Variants in SCEL observed in about 807,000 individuals in gnomAD.
The protein encoded by SCEL is sciellin.
In SCEL, 113 loss-of-function variants were observed where a neutral mutation model predicts 117.6. That is an observed-to-expected ratio of 0.96 (90% CI 0.83 to 1.12). SCEL has a LOEUF of 1.12. Among genes scored for constraint, SCEL ranks in the 50% most tolerant of loss-of-function variants. The pLI is 0.00. For missense variants in SCEL, 785 were observed against 810.8 expected (o/e 0.97, Z 0.39); for synonymous variants, 270 against 256.2 (o/e 1.05, Z -0.51).
At chr13:77,544,480 T>C (rs908254568) in intron 1 of SCEL, among the ~76,000 whole-genome samples, 2 of 152,160 alleles carry the variant, frequency 1.3e-5, no homozygotes, top group African/African-American at 4.8e-5. Flanking sequence ...ATGATGAAGA[T>C]TCTAGCTGAG....
chr13:77,584,392 C>G (rs1357560064), intron 9 of SCEL, among the ~76,000 whole-genome samples: 1 of 152,144 alleles, frequency 6.6e-6, no homozygotes, highest in Non-Finnish European at 1.5e-5. Context: ...TGGCTCCTGG[C>G]CCAGCAGGGG....
At chr13:77,540,886 G>C (rs1199634803) in intron 1 of SCEL, among the ~76,000 whole-genome samples, 1 of 152,208 alleles carries the variant, frequency 6.6e-6, no homozygotes, top group Non-Finnish European at 1.5e-5. Flanking sequence ...TGGAGATTGA[G>C]AATGTAGCTG....
rs1298858059 is a variant in SCEL at position 77,599,617 on chromosome 13, T to C, written c.858-72T>C. 7.0e-6 allele frequency: 8 copies of C among 1,136,208 alleles called. No individual in the cohort carries two copies. In the Admixed American group the frequency reaches 1.0e-4, roughly 14 times the overall value. The allele number at this position is 1,136,208 out of a possible 1,614,324, so 70.4% of individuals were successfully genotyped here. ...AATTCATGGAGAATGTTTATTGCAT[T>C]TGACCTTTCAAGATACCACACAATT... On this transcript the variant is annotated intron_variant, in intron 14 of 32. Coordinates refer to ENST00000349847, the MANE Select transcript of SCEL (RefSeq NM_144777.3).
chr13:77,549,345 T>A (rs1447923402), intron 1 of SCEL, among the ~76,000 whole-genome samples: 1 of 152,178 alleles, frequency 6.6e-6, no homozygotes, highest in Non-Finnish European at 1.5e-5. Context: ...GCCATTTGTA[T>A]GTCTTTATAT....
chr13:77,572,633 A>G (rs938525785), intron 9 of SCEL, among the ~76,000 whole-genome samples: 1 of 152,162 alleles, frequency 6.6e-6, no homozygotes, highest in South Asian at 2.1e-4. Flanking sequence ...GACATTGCCC[A>G]GTTGGTACAA....
At chr13:77,594,214 A>G (rs551456541) in intron 12 of SCEL, among the ~76,000 whole-genome samples, 1 of 152,266 alleles carries the variant, frequency 6.6e-6, no homozygotes, top group African/African-American at 2.4e-5. Flanking sequence ...AATTTTTCCA[A>G]AGATTCTGCT....
intron 1 of SCEL, among the ~76,000 whole-genome samples, chr13:77,537,972 G>C (rs746862443): frequency 6.6e-6 from 1 of 152,090 alleles, no homozygotes; most frequent in African/African-American, 2.4e-5. Flanking sequence ...ATATGGCTTC[G>C]CTTTCTGTCA....
At chr13:77,612,637 T>C (rs2088745913) in intron 22 of SCEL, among the ~76,000 whole-genome samples, 1 of 151,758 alleles carries the variant, frequency 6.6e-6, no homozygotes, top group Admixed American at 6.6e-5. Context: ...GTATGTAAAA[T>C]AAAGAGTTTA....
intron 28 of SCEL, among the ~76,000 whole-genome samples, chr13:77,631,401 A>G (rs2090013934): frequency 6.6e-6 from 1 of 152,230 alleles, no homozygotes; most frequent in Non-Finnish European, 1.5e-5. Context: ...GACATGATGG[A>G]TATGTAGATA....
intron 1 of SCEL, among the ~76,000 whole-genome samples, chr13:77,546,067 T>C (rs1468295089): frequency 6.6e-6 from 1 of 152,210 alleles, no homozygotes; most frequent in Non-Finnish European, 1.5e-5. Flanking sequence ...CAGTATGAGA[T>C]AGATTCAGGG....
At chr13:77,639,056 A>G (rs191935437) in intron 30 of SCEL, among the ~76,000 whole-genome samples, 1 of 152,266 alleles carries the variant, frequency 6.6e-6, no homozygotes, top group Non-Finnish European at 1.5e-5. Context: ...AAGCCCTGGA[A>G]ACAATCATGC....
intron 9 of SCEL, among the ~76,000 whole-genome samples, chr13:77,588,153 A>G (rs1361021712): frequency 1.3e-5 from 2 of 152,174 alleles, no homozygotes; most frequent in South Asian, 2.1e-4. Context: ...CAAGGACATT[A>G]CCCAGCTCAC....
rs549201752 is a variant in SCEL at position 77,572,941 on chromosome 13, C to T, written c.545+752C>T. On this transcript the variant is annotated intron_variant, in intron 9 of 32. Coordinates refer to ENST00000349847, the MANE Select transcript of SCEL (RefSeq NM_144777.3). ...TCAGACAGGGGTTCCAATGTGGGCTCTTGATGCCCAGCTGCCTCCAGGCTG... is the reference window on the plus strand; with the variant it reads ...TCAGACAGGGGTTCCAATGTGGGCTTTTGATGCCCAGCTGCCTCCAGGCTG... Among the ~76,000 whole-genome samples the T allele has an allele frequency of 7.3e-4, 111 of 152,290 alleles. 4 individuals are homozygous for T. In the South Asian group the frequency reaches 0.022, roughly 30 times the overall value.
chr13:77,599,806 TGGA>T, intron 15 of SCEL, 58 bp downstream of exon 15: 1 of 1,223,878 alleles, frequency 8.2e-7, no homozygotes. Context: ...TACTATTTTC[TGGA>T]GGAGACCTCC....
intron 32 of SCEL, 93 bp downstream of exon 32, chr13:77,642,901 T>A: frequency 3.3e-6 from 2 of 614,344 alleles, no homozygotes; most frequent in Non-Finnish European, 2.7e-6. Context: ...AAGTAAAACA[T>A]TTTACTAGTT....
chr13:77,606,349 A>G (rs528600463), intron 19 of SCEL: 2 of 152,336 alleles, frequency 1.3e-5, no homozygotes, highest in Admixed American at 6.5e-5. Flanking sequence ...TATGGACTCT[A>G]TGAACTATGA....
At position 77,644,413 on chromosome 13, in the gene SCEL, A is replaced by T. The variant is rs1053074939; in HGVS notation, c.*139A>T. 2.5e-6 allele frequency: 2 copies of T among 806,702 alleles called. No individual in the cohort carries two copies. Among genetic ancestry groups the T allele is most frequent in the Non-Finnish European group, 4.0e-6 (2 of 502,476 alleles). 50.0% of individuals were successfully genotyped at this position (806,702 alleles called of 1,614,324 possible). A position where few individuals can be genotyped will look rare whatever the true frequency, so the allele number is the denominator to read the frequency against. On this transcript the variant is annotated 3_prime_UTR_variant, in exon 33 of 33. Coordinates refer to ENST00000349847, the MANE Select transcript of SCEL (RefSeq NM_144777.3). ...ACAAAATTAACAATTCTGTTATTGC[A>T]TAAGTAATCTAATTGTCTTCAATAA...
intron 9 of SCEL, among the ~76,000 whole-genome samples, chr13:77,583,426 T>A (rs970502017): frequency 6.6e-6 from 1 of 152,338 alleles, no homozygotes; most frequent in South Asian, 2.1e-4. Flanking sequence ...CTTTTGAACA[T>A]GTGCCTTGCA....
chr13:77,585,239 GT>G (rs570479347), intron 9 of SCEL, among the ~76,000 whole-genome samples: 56 of 152,328 alleles, frequency 3.7e-4, no homozygotes, highest in African/African-American at 1.3e-3. Context: ...CCAGAATAGT[GT>G]GATATGTGCT....
Sources: allele counts gnomAD v4.1 joint callset (sites outside exome capture counted in the v4.1 genomes callset), GRCh38; gene constraint gnomAD v4.1.1; transcripts MANE v1.5; gene names NCBI Gene and HGNC (gene_info 2026-07-23, HGNC 2026-07-21).